The following LRBA variants were observed in gnomAD, a reference collection of about 807,000 sequenced individuals.
LRBA encodes the protein LPS responsive beige-like anchor protein.
Under a neutral mutation model 330.0 loss-of-function variants are expected in LRBA, and 176 were observed. That is an observed-to-expected ratio of 0.53 (90% confidence interval 0.47 to 0.60). The LOEUF is 0.60. Ranked by LOEUF, LRBA falls within the 20% of genes least tolerant of loss-of-function variation. LRBA has a pLI of 0.00. For synonymous variants in LRBA, 1,230 were observed against 1,193.0 expected (o/e 1.03, Z -0.64); for missense variants, 3,259 against 3,444.8 (o/e 0.95, Z 1.35).
intron 11 of LRBA, among the ~76,000 whole-genome samples, chr4:150,906,911 G>A (rs1226031403): frequency 6.6e-6 from 1 of 151,938 alleles, no homozygotes; most frequent in Non-Finnish European, 1.5e-5. Flanking sequence ...AGAGAAAGAT[G>A]AGACAGTTAA....
At chr4:150,928,446 C>T (rs1734110557) in intron 4 of LRBA, 70 bp downstream of exon 4, 6 of 891,112 alleles carry the variant, frequency 6.7e-6, no homozygotes, top group South Asian at 3.0e-5. Context: ...ATATCAGTTA[C>T]TTTACAAGCT....
chr4:150,804,098 A>G (rs567091622), intron 33 of LRBA, among the ~76,000 whole-genome samples: 1 of 152,284 alleles, frequency 6.6e-6, no homozygotes, highest in East Asian at 1.9e-4. Context: ...TAAATTAGGG[A>G]AAAGCCCTGA....
chr4:150,989,673 CAA>C (rs1741854212), intron 2 of LRBA, among the ~76,000 whole-genome samples: 1 of 151,788 alleles, frequency 6.6e-6, no homozygotes. Context: ...AATTAAGAAT[CAA>C]GAGGGTAAAC....
chr4:150,932,560 G>A (rs997370305), intron 2 of LRBA, among the ~76,000 whole-genome samples: 1 of 152,102 alleles, frequency 6.6e-6, no homozygotes, highest in South Asian at 2.1e-4. Flanking sequence ...GCAAGAACAT[G>A]AGGAAACAGG....
intron 40 of LRBA, among the ~76,000 whole-genome samples, chr4:150,521,144 A>G (rs1167026857): frequency 6.6e-6 from 1 of 152,050 alleles, no homozygotes; most frequent in Non-Finnish European, 1.5e-5. Context: ...ATGTTTATCA[A>G]TCTTATCAAA....
At chr4:150,282,407 G>A in intron 55 of LRBA, 43 bp downstream of exon 55, 1 of 1,546,736 alleles carries the variant, frequency 6.5e-7, no homozygotes, top group Non-Finnish European at 8.8e-7. Context: ...GACACACGTT[G>A]AGGTAAAAGT....
At chr4:150,857,289 T>C (rs927355901) in intron 22 of LRBA, among the ~76,000 whole-genome samples, 1 of 152,100 alleles carries the variant, frequency 6.6e-6, no homozygotes, top group African/African-American at 2.4e-5. Context: ...ATAACAATGG[T>C]ATAGGTAACA....
At chr4:150,575,761 TA>T (rs1344105174) in intron 40 of LRBA, among the ~76,000 whole-genome samples, 1 of 151,948 alleles carries the variant, frequency 6.6e-6, no homozygotes, top group East Asian at 1.9e-4. Flanking sequence ...ATGGATTTAA[TA>T]TCCTAAGAAA....
chr4:150,267,843 TG>T (rs1745564677), intron 56 of LRBA, among the ~76,000 whole-genome samples: 1 of 152,116 alleles, frequency 6.6e-6, no homozygotes, highest in Non-Finnish European at 1.5e-5. Context: ...GTGGATCACC[TG>T]GGGTCAGGAG....
At chr4:150,739,655 A>G (rs1276844732) in intron 35 of LRBA, among the ~76,000 whole-genome samples, 1 of 152,244 alleles carries the variant, frequency 6.6e-6, no homozygotes. Context: ...GGTAACTTGC[A>G]TCTTGCTAGC....
intron 36 of LRBA, among the ~76,000 whole-genome samples, chr4:150,697,586 T>A (rs1784762011): frequency 6.6e-6 from 1 of 152,022 alleles, no homozygotes; most frequent in Admixed American, 6.6e-5. Flanking sequence ...TAATACATTT[T>A]TTTTACCAAT....
At chr4:150,579,742 G>A (rs1341054253) in intron 40 of LRBA, 1 of 456,318 alleles carries the variant, frequency 2.2e-6, no homozygotes, top group East Asian at 7.0e-5. Flanking sequence ...GAGAAGAGGA[G>A]AAGGCGCAGG....
intron 9 of LRBA, among the ~76,000 whole-genome samples, chr4:150,912,722 T>A (rs546030533): frequency 6.6e-6 from 1 of 152,174 alleles, no homozygotes; most frequent in Non-Finnish European, 1.5e-5. Flanking sequence ...CGGATTTTTA[T>A]CATTTCCTTC....
In LRBA at chr4:150,508,946, T is replaced by C. The variant is rs1010118962; in HGVS notation, c.6331-17911A>G. 2.6e-5 allele frequency among the ~76,000 whole-genome samples: 4 copies of C among 152,196 alleles called. No homozygotes were observed. In the South Asian group the frequency reaches 6.2e-4, roughly 24 times the overall value. On this transcript the variant is annotated intron_variant, in intron 40 of 56. Coordinates refer to ENST00000651943, the MANE Select transcript of LRBA (RefSeq NM_001364905.1). ...TTTTGGGCTAAAATTCAAGTTGCAA[T>C]AAATTTAAGACTCAAATCAGATAAA...
At chr4:150,397,490 C>G (rs1205668469) in intron 47 of LRBA, among the ~76,000 whole-genome samples, 3 of 152,004 alleles carry the variant, frequency 2.0e-5, no homozygotes, top group African/African-American at 7.2e-5. Flanking sequence ...GTTGTCCAAG[C>G]TAGCTTCAAA....
intron 36 of LRBA, among the ~76,000 whole-genome samples, chr4:150,719,018 G>T (rs542415798): frequency 1.2e-4 from 18 of 152,156 alleles, no homozygotes; most frequent in Admixed American, 7.9e-4. Flanking sequence ...GAGGTTTGTT[G>T]TAAGAATTAG....
intron 35 of LRBA, among the ~76,000 whole-genome samples, chr4:150,742,085 G>T (rs1234942245): frequency 6.6e-6 from 1 of 151,162 alleles, no homozygotes; most frequent in Non-Finnish European, 1.5e-5. Flanking sequence ...TTCTTTAATA[G>T]GAGTTGAGAA....
At chr4:150,949,938 TCA>T (rs1295836736) in intron 2 of LRBA, among the ~76,000 whole-genome samples, 3 of 152,098 alleles carry the variant, frequency 2.0e-5, no homozygotes, top group South Asian at 4.1e-4. Flanking sequence ...TATATTGATA[TCA>T]CACAGAGTTT....
At chr4:150,289,194 G>C (rs909069144) in intron 53 of LRBA, among the ~76,000 whole-genome samples, 1 of 152,180 alleles carries the variant, frequency 6.6e-6, no homozygotes, top group Admixed American at 6.5e-5. Flanking sequence ...TTGTAAACTC[G>C]TAAGATTTTT....
Sources: gnomAD v4.1 joint callset for allele counts (sites outside exome capture counted in the v4.1 genomes callset) on GRCh38, gnomAD v4.1.1 for gene constraint, MANE v1.5 for transcripts, NCBI Gene and HGNC (gene_info 2026-07-23, HGNC 2026-07-21) for gene names.